MOSPD1: variants seen among roughly 807,000 people sequenced by gnomAD.
The protein encoded by MOSPD1 is motile sperm domain-containing protein 1.
MOSPD1 carries 5 observed loss-of-function variants against 16.7 expected under a neutral mutation model. The observed-to-expected ratio is 0.30, with a 90% CI of 0.16 to 0.63. MOSPD1 has a LOEUF of 0.63. MOSPD1 is among the 30% of genes least tolerant of loss of function. MOSPD1 has a pLI of 0.82. For missense variants in MOSPD1, 104 were observed against 153.6 expected (o/e 0.68, Z 1.71); for synonymous variants, 67 against 59.2 (o/e 1.13, Z -0.61).
intron 1 of MOSPD1, among the ~76,000 whole-genome samples, chrX:134,907,686 G>A (rs1044122774): frequency 7.1e-5 from 8 of 112,600 alleles, no homozygotes; most frequent in African/African-American, 3.2e-5. Flanking sequence ...CCAACATGGC[G>A]AAACCCCGTC....
chrX:134,904,026 G>A (rs2082928802), intron 1 of MOSPD1, among the ~76,000 whole-genome samples: 1 of 112,284 alleles, frequency 8.9e-6, no homozygotes, highest in South Asian at 3.7e-4. Context: ...AACAGAGCAC[G>A]AATCTGTCTT....
chrX:134,897,120 C>T (rs1202552171), intron 3 of MOSPD1, 86 bp from the exon 4 acceptor site: 9 of 606,368 alleles, frequency 1.5e-5, no homozygotes, highest in Non-Finnish European at 2.3e-5. Flanking sequence ...ATATATTAAA[C>T]AATATTAACT....
chrX:134,897,573 G>GA (rs1054209364), intron 3 of MOSPD1, among the ~76,000 whole-genome samples: 1 of 63,445 alleles, frequency 1.6e-5, no homozygotes, highest in Admixed American at 1.7e-4. Flanking sequence ...AAAAAAGAAA[G>GA]AAAAAAAATT....
chrX:134,900,314 T>A (rs2082905919), intron 1 of MOSPD1, among the ~76,000 whole-genome samples: 1 of 112,437 alleles, frequency 8.9e-6, no homozygotes, highest in Non-Finnish European at 1.9e-5. Flanking sequence ...ACCATGAGAA[T>A]CATTTTTACA....
Position 134,887,688 on chromosome X carries a change from A to G in MOSPD1, c.*1473T>C, listed in dbSNP as rs1198322422. ...TAATTTCTGTTCTTTACAATGTGTT[A>G]TTACACACACACATGTGCACTTGCA... On this transcript the variant is annotated 3_prime_UTR_variant, in exon 6 of 6. Transcript: ENST00000370783. 1 of 113,378 alleles carries G rather than the reference A, an allele frequency of 8.8e-6. No individual in the cohort carries two copies. The highest frequency in any genetic ancestry group is 9.3e-5 in the Admixed American group (1 of 10,740). The allele number at this position is 113,378 out of a possible 1,213,427, so 9.3% of individuals were successfully genotyped here.
chrX:134,898,117 G>C (rs750771288), intron 3 of MOSPD1, among the ~76,000 whole-genome samples: 1 of 110,845 alleles, frequency 9.0e-6, no homozygotes, highest in Admixed American at 9.7e-5. Flanking sequence ...GACCTCAGGT[G>C]ATCCTCCCAC....
chrX:134,914,199 T>C (rs1271097808), intron 1 of MOSPD1, among the ~76,000 whole-genome samples: 1 of 112,320 alleles, frequency 8.9e-6, no homozygotes, highest in East Asian at 2.8e-4. Context: ...TTGAGTCCTC[T>C]TCTTATCTCC....
At chrX:134,909,005 C>T (rs1360443361) in intron 1 of MOSPD1, among the ~76,000 whole-genome samples, 1 of 110,995 alleles carries the variant, frequency 9.0e-6, no homozygotes, top group Non-Finnish European at 1.9e-5. Context: ...CGGTGGCTCA[C>T]GCCTGTAATC....
chrX:134,903,063 A>G (rs1255209139), intron 1 of MOSPD1, among the ~76,000 whole-genome samples: 1 of 109,322 alleles, frequency 9.1e-6, no homozygotes, highest in Non-Finnish European at 1.9e-5. Flanking sequence ...AGCATTAGGA[A>G]GAGAACATCC....
Position 134,889,069 on chromosome X carries a change from T to C in MOSPD1, c.*92A>G, listed in dbSNP as rs2082848594. On this transcript the variant is annotated 3_prime_UTR_variant, in exon 6 of 6. Coordinates refer to ENST00000370783, the MANE Select transcript of MOSPD1 (RefSeq NM_019556.3). ...TTATTTGAAATCATTCAATAGTTTGTTGCATGTTAATGGAGTGAAATAGAG... is the reference window on the plus strand; with the variant it reads ...TTATTTGAAATCATTCAATAGTTTGCTGCATGTTAATGGAGTGAAATAGAG... 1 of 537,072 alleles carries C rather than the reference T, an allele frequency of 1.9e-6. No individual in the cohort carries two copies. Among genetic ancestry groups the C allele is most frequent in the Non-Finnish European group, 3.0e-6 (1 of 336,152 alleles). 44.3% of individuals were successfully genotyped at this position (537,072 alleles called of 1,213,427 possible).
chrX:134,910,655 T>C (rs763527907), intron 1 of MOSPD1, among the ~76,000 whole-genome samples: 3 of 111,961 alleles, frequency 2.7e-5, no homozygotes, highest in African/African-American at 9.7e-5. Flanking sequence ...TAGTCTGCAG[T>C]AGAAGTGGAG....
intron 1 of MOSPD1, 160 bp from the exon 2 acceptor site, chrX:134,899,694 C>T (rs1475217250): frequency 3.4e-5 from 8 of 236,179 alleles, no homozygotes; most frequent in Non-Finnish European, 5.2e-5. Context: ...TTTGGGAGGT[C>T]GAGGCAGGCA....
rs1047047130 is a variant in MOSPD1 at position 134,891,487 on chromosome X, T to C, written c.602A>G (p.Tyr201Cys). ...LSVNQKLVAA[Y>C]ILGLITMAIL... ...ATCTTTAAAACCCTTACCTAAGATA[T>C]AAGCAGCCACTAATTTTTGATTCAC... Residue 201 changes from tyrosine (Y) to cysteine (C), a missense_variant, in exon 5 of 6, where the codon TAT (tyrosine) becomes TGT (cysteine). By Grantham distance (194) the Tyr-to-Cys change is radical. Transcript: ENST00000370783. 1 of 1,208,191 alleles carries C rather than the reference T, an allele frequency of 8.3e-7. No homozygotes were observed. Among genetic ancestry groups the C allele is most frequent in the Non-Finnish European group, 1.1e-6 (1 of 894,729 alleles).
chrX:134,901,648 CA>C (rs1400267530), intron 1 of MOSPD1, among the ~76,000 whole-genome samples: 1 of 102,512 alleles, frequency 9.8e-6, no homozygotes, highest in African/African-American at 3.6e-5. Context: ...GACTCTATCT[CA>C]AAAAAAAGAA....
In MOSPD1 at chrX:134,891,473, C is replaced by T; in HGVS notation, c.610+6G>A. The T allele has an allele frequency of 8.3e-7, 1 of 1,209,436 alleles. No homozygotes were observed. On this transcript the variant is annotated splice_donor_region_variant and intron_variant, in intron 5 of 5. Transcript: ENST00000370783. The stretch of plus-strand genomic sequence containing the variant: ...TATGTCCCAAATGCATCTTTAAAAC[C>T]CTTACCTAAGATATAAGCAGCCACT...
At chrX:134,892,305 G>A (rs905063211) in intron 4 of MOSPD1, among the ~76,000 whole-genome samples, 5 of 112,231 alleles carry the variant, frequency 4.5e-5, no homozygotes, top group African/African-American at 1.3e-4. Context: ...TGGCAAATAC[G>A]CTAAGAGAAA....
chrX:134,910,014 A>G (rs1291731224), intron 1 of MOSPD1, among the ~76,000 whole-genome samples: 1 of 112,047 alleles, frequency 8.9e-6, no homozygotes, highest in Admixed American at 9.6e-5. Context: ...ACAACATCTC[A>G]GTATGTCATT....
At chrX:134,892,591 A>G (rs757583514) in intron 4 of MOSPD1, among the ~76,000 whole-genome samples, 24 of 112,639 alleles carry the variant, frequency 2.1e-4, no homozygotes, top group Non-Finnish European at 3.0e-4. Flanking sequence ...TCCTAAAATA[A>G]AATTCTAAAA....
chrX:134,894,202 AG>A (rs2148391615), intron 4 of MOSPD1, among the ~76,000 whole-genome samples: 1 of 112,184 alleles, frequency 8.9e-6, no homozygotes, highest in South Asian at 3.7e-4. Context: ...GTGAGATTAC[AG>A]GTACATTTTC....
Sources: allele counts gnomAD v4.1 joint callset (sites outside exome capture counted in the v4.1 genomes callset), GRCh38; gene constraint gnomAD v4.1.1; transcripts MANE v1.5; gene names NCBI Gene and HGNC (gene_info 2026-07-23, HGNC 2026-07-21).